The following AGBL4 variants were observed in gnomAD, a reference collection of about 807,000 sequenced individuals.
AGBL4 encodes the protein AGBL carboxypeptidase 4, also known as cytosolic carboxypeptidase 6.
In AGBL4, 58 loss-of-function variants were observed where a neutral mutation model predicts 66.4. That is an observed-to-expected ratio of 0.87 (90% CI 0.71 to 1.09). The LOEUF is 1.09. Among genes scored for constraint, AGBL4 ranks in the 50% least tolerant of loss-of-function variants. The probability of loss-of-function intolerance (pLI) is 0.00; values close to 1 mark genes in which losing one functional copy is unlikely to be tolerated. For missense variants in AGBL4, 579 were observed against 631.0 expected (o/e 0.92, Z 0.88); for synonymous variants, 234 against 222.9 (o/e 1.05, Z -0.44).
chr1:49,091,476 A>G (rs1287398046), intron 4 of AGBL4, among the ~76,000 whole-genome samples: 1 of 152,178 alleles, frequency 6.6e-6, no homozygotes, highest in African/African-American at 2.4e-5. Flanking sequence ...AAGGCAAATA[A>G]AAATCACAAT....
At chr1:49,714,483 T>C (rs1156232511) in intron 2 of AGBL4, among the ~76,000 whole-genome samples, 2 of 151,646 alleles carry the variant, frequency 1.3e-5, no homozygotes, top group African/African-American at 2.4e-5. Flanking sequence ...TTCTGAGTTA[T>C]TTCACTTAAG....
chr1:49,698,938 T>C (rs1025486225), intron 2 of AGBL4, among the ~76,000 whole-genome samples: 4 of 152,026 alleles, frequency 2.6e-5, no homozygotes, highest in African/African-American at 9.7e-5. Flanking sequence ...TTCAAAATGA[T>C]TTGACATCTT....
chr1:49,804,722 TAACA>T (rs1449260408), intron 2 of AGBL4, among the ~76,000 whole-genome samples: 1 of 152,228 alleles, frequency 6.6e-6, no homozygotes, highest in Non-Finnish European at 1.5e-5. Flanking sequence ...TTTCATCAAT[TAACA>T]AACATTTATA....
In AGBL4 at chr1:49,977,124, T is replaced by A. The variant is rs531591746; in HGVS notation, c.34+46639A>T. Among the ~76,000 whole-genome samples the A allele has an allele frequency of 8.5e-5, 13 of 152,360 alleles. No individual in the cohort carries two copies. The East Asian group carries it at 2.5e-3, about 29-fold the overall frequency. ...CAGATGAAGATATTATTTTCCTTAT[T>A]CTTCCCTCTATCTTTCATTCACTTC... On this transcript the variant is annotated intron_variant, in intron 1 of 13. Coordinates refer to ENST00000371839, the MANE Select transcript of AGBL4 (RefSeq NM_032785.4).
intron 4 of AGBL4, among the ~76,000 whole-genome samples, chr1:49,202,092 G>A (rs928995909): frequency 6.6e-6 from 1 of 152,132 alleles, no homozygotes; most frequent in African/African-American, 2.4e-5. Context: ...AACTGCTAAT[G>A]CACAGCTGCG....
chr1:49,376,551 C>T (rs1453951922), intron 3 of AGBL4, among the ~76,000 whole-genome samples: 1 of 152,080 alleles, frequency 6.6e-6, no homozygotes, highest in Non-Finnish European at 1.5e-5. Context: ...TTACTATTGC[C>T]AGTCCCTGGA....
chr1:48,540,462 G>T (rs960413620), intron 11 of AGBL4, among the ~76,000 whole-genome samples: 1 of 152,054 alleles, frequency 6.6e-6, no homozygotes, highest in African/African-American at 2.4e-5. Context: ...TTCCTCTGCT[G>T]AAGTACCTCC....
intron 1 of AGBL4, among the ~76,000 whole-genome samples, chr1:49,924,040 T>C (rs370546172): frequency 1.3e-5 from 2 of 152,182 alleles, no homozygotes; most frequent in Non-Finnish European, 1.5e-5. Context: ...GCAGCACTAT[T>C]CACAATAGCA....
chr1:48,725,026 T>G (rs1036024193), intron 6 of AGBL4, among the ~76,000 whole-genome samples: 5 of 152,150 alleles, frequency 3.3e-5, no homozygotes, highest in Non-Finnish European at 7.3e-5. Context: ...AGTCACCTTC[T>G]GATTGTGTGC....
At chr1:48,672,154 C>T (rs1487721798) in intron 6 of AGBL4, among the ~76,000 whole-genome samples, 2 of 152,198 alleles carry the variant, frequency 1.3e-5, no homozygotes, top group Non-Finnish European at 2.9e-5. Flanking sequence ...AATGACTTCT[C>T]CGTAATGGAT....
chr1:49,223,489 C>T (rs1025312797), intron 4 of AGBL4, among the ~76,000 whole-genome samples: 2 of 152,170 alleles, frequency 1.3e-5, no homozygotes, highest in Non-Finnish European at 2.9e-5. Flanking sequence ...TGTTATGTTT[C>T]GTTTCTTTGA....
At chr1:49,742,054 A>G (rs1650542363) in intron 2 of AGBL4, among the ~76,000 whole-genome samples, 2 of 152,248 alleles carry the variant, frequency 1.3e-5, no homozygotes, top group South Asian at 4.1e-4. Context: ...TGGCCAGGGC[A>G]ATTAGGCAGG....
chr1:48,767,295 A>C (rs1366864198), intron 6 of AGBL4, among the ~76,000 whole-genome samples: 1 of 152,190 alleles, frequency 6.6e-6, no homozygotes, highest in Non-Finnish European at 1.5e-5. Context: ...GTGCATGTAA[A>C]AGCACCAAGC....
At chr1:49,700,854 T>C (rs1242018881) in intron 2 of AGBL4, among the ~76,000 whole-genome samples, 1 of 152,150 alleles carries the variant, frequency 6.6e-6, no homozygotes, top group Non-Finnish European at 1.5e-5. Flanking sequence ...CAATGATCCA[T>C]GCTTCTGTTT....
intron 4 of AGBL4, among the ~76,000 whole-genome samples, chr1:49,114,958 A>C (rs1645486304): frequency 6.6e-6 from 1 of 152,244 alleles, no homozygotes; most frequent in Non-Finnish European, 1.5e-5. Flanking sequence ...AGAATTACCA[A>C]GATGTGACAC....
chr1:49,299,310 C>G (rs983728042), intron 3 of AGBL4, among the ~76,000 whole-genome samples: 1 of 152,120 alleles, frequency 6.6e-6, no homozygotes, highest in African/African-American at 2.4e-5. Context: ...TAATAACATG[C>G]CTAAGGTAAC....
chr1:49,444,713 T>G (rs1646114025), intron 3 of AGBL4, among the ~76,000 whole-genome samples: 1 of 151,982 alleles, frequency 6.6e-6, no homozygotes, highest in South Asian at 2.1e-4. Context: ...TTGGATCAGG[T>G]TTTATAATCC....
chr1:49,274,352 C>T (rs952668056), intron 3 of AGBL4, among the ~76,000 whole-genome samples: 1 of 151,842 alleles, frequency 6.6e-6, no homozygotes, highest in Non-Finnish European at 1.5e-5. Flanking sequence ...AAAAAATTGT[C>T]AAATAAAAAA....
At chr1:49,609,598 AT>A (rs1482968123) in intron 3 of AGBL4, among the ~76,000 whole-genome samples, 1 of 152,056 alleles carries the variant, frequency 6.6e-6, no homozygotes, top group African/African-American at 2.4e-5. Flanking sequence ...ATCTTAAGTA[AT>A]TTTTTTAACT....
Sources: allele counts gnomAD v4.1 joint callset (sites outside exome capture counted in the v4.1 genomes callset), GRCh38; gene constraint gnomAD v4.1.1; transcripts MANE v1.5; gene names NCBI Gene and HGNC (gene_info 2026-07-23, HGNC 2026-07-21).